Variants in TRABD2B observed in about 807,000 individuals in gnomAD.
The protein encoded by TRABD2B is TraB domain containing 2B, also known as metalloprotease TIKI2.
In TRABD2B, 14 loss-of-function variants were observed where a neutral mutation model predicts 40.1. That is an observed-to-expected ratio of 0.35 (90% CI 0.23 to 0.55). The LOEUF (loss-of-function observed/expected upper bound fraction) is 0.55. TRABD2B is among the 20% of genes least tolerant of loss of function. The probability of loss-of-function intolerance (pLI) is 0.90; values close to 1 mark genes in which losing one functional copy is unlikely to be tolerated. For synonymous variants in TRABD2B, 263 were observed against 277.0 expected (o/e 0.95, Z 0.50); for missense variants, 541 against 648.6 (o/e 0.83, Z 1.80).
chr1:47,899,272 C>T (rs1316616642), intron 2 of TRABD2B, among the ~76,000 whole-genome samples: 1 of 152,232 alleles, frequency 6.6e-6, no homozygotes, highest in Non-Finnish European at 1.5e-5. Context: ...CCTCAACAAC[C>T]TCCTACAGAC....
intron 2 of TRABD2B, among the ~76,000 whole-genome samples, chr1:47,969,050 C>T (rs909816348): frequency 3.3e-5 from 5 of 152,200 alleles, no homozygotes; most frequent in Admixed American, 2.0e-4. Context: ...AGCCCTGTGT[C>T]AAGTCCAATA....
chr1:47,805,757 T>C (rs1376587121), intron 2 of TRABD2B, among the ~76,000 whole-genome samples: 1 of 152,174 alleles, frequency 6.6e-6, no homozygotes, highest in African/African-American at 2.4e-5. Flanking sequence ...TCTAAACTCA[T>C]GTTCATTTAT....
intron 2 of TRABD2B, among the ~76,000 whole-genome samples, chr1:47,866,962 A>G (rs1357320565): frequency 6.6e-6 from 1 of 152,124 alleles, no homozygotes; most frequent in East Asian, 1.9e-4. Context: ...GTCACAGCCA[A>G]TCTGCCCCTT....
Position 47,794,302 on chromosome 1 carries a change from C to T in TRABD2B, c.988+284G>A, listed in dbSNP as rs184180857. On this transcript the variant is annotated intron_variant, in intron 4 of 6. Transcript: ENST00000606738. ...CTGGGCAGTGGGAGCTGGCTTTAGT[C>T]CTGGGCTCTCACATGGCTGCCTGGG... Among the ~76,000 whole-genome samples the T allele has an allele frequency of 9.7e-4, 148 of 152,266 alleles. 1 individual carries two copies. Among genetic ancestry groups the T allele is most frequent in the African/African-American group, 3.3e-3 (137 of 41,560 alleles).
intron 2 of TRABD2B, among the ~76,000 whole-genome samples, chr1:47,910,156 G>A (rs540575425): frequency 1.3e-5 from 2 of 152,166 alleles, no homozygotes; most frequent in Middle Eastern, 3.4e-3. Flanking sequence ...TACTGTGCCT[G>A]GCAGGGATCA....
At chr1:47,788,568 G>C (rs1013323694) in intron 4 of TRABD2B, among the ~76,000 whole-genome samples, 1 of 152,188 alleles carries the variant, frequency 6.6e-6, no homozygotes, top group Non-Finnish European at 1.5e-5. Flanking sequence ...TGCGAAGAGT[G>C]ATTTCCATTC....
chr1:47,882,943 G>A (rs776935508), intron 2 of TRABD2B, among the ~76,000 whole-genome samples: 26 of 152,066 alleles, frequency 1.7e-4, no homozygotes, highest in East Asian at 1.9e-4. Flanking sequence ...CACAACCCCC[G>A]GCAGGTCTCG....
At chr1:47,947,495 C>T (rs1645275813) in intron 2 of TRABD2B, among the ~76,000 whole-genome samples, 1 of 152,082 alleles carries the variant, frequency 6.6e-6, no homozygotes, top group Admixed American at 6.5e-5. Context: ...ACAACTGAGG[C>T]ATAAACAGAG....
chr1:47,863,904 A>G (rs995793750), intron 2 of TRABD2B, among the ~76,000 whole-genome samples: 1 of 152,222 alleles, frequency 6.6e-6, no homozygotes, highest in Admixed American at 6.5e-5. Flanking sequence ...CCAATGGACT[A>G]TTACACAGCA....
At chr1:47,843,628 T>C (rs948950482) in intron 2 of TRABD2B, among the ~76,000 whole-genome samples, 3 of 152,098 alleles carry the variant, frequency 2.0e-5, no homozygotes, top group Admixed American at 1.3e-4. Flanking sequence ...GAGAGGTTTA[T>C]GGGTAGAGAC....
intron 4 of TRABD2B, among the ~76,000 whole-genome samples, chr1:47,784,913 G>C (rs540444436): frequency 6.6e-6 from 1 of 152,224 alleles, no homozygotes; most frequent in Non-Finnish European, 1.5e-5. Context: ...GGTATGGAGA[G>C]GGGGAGATGG....
chr1:47,996,950 G>T lies in TRABD2B; in HGVS notation c.-161C>A. The stretch of plus-strand genomic sequence containing the variant: ...GTGGCTGACTGTCCCTGTCGGACCT[G>T]GGGGTTTCTCTGGGGCCGGGCTCCG... On this transcript the variant is annotated 5_prime_UTR_variant, in exon 1 of 7. Coordinates refer to ENST00000606738, the MANE Select transcript of TRABD2B (RefSeq NM_001194986.2). The surrounding 1 kb of genome is among the most constrained non-coding windows in gnomAD (Gnocchi z 4.6). 9.0e-7 allele frequency: 1 copy of T among 1,115,942 alleles called. No individual in the cohort carries two copies. The highest frequency in any genetic ancestry group is 1.1e-6 in the Non-Finnish European group (1 of 914,878). The allele number at this position is 1,115,942 out of a possible 1,614,324, so 69.1% of individuals were successfully genotyped here. A position where few individuals can be genotyped will look rare whatever the true frequency, so the allele number is the denominator to read the frequency against.
At chr1:47,926,341 T>C (rs545604574) in intron 2 of TRABD2B, among the ~76,000 whole-genome samples, 6 of 152,286 alleles carry the variant, frequency 3.9e-5, no homozygotes, top group Admixed American at 3.9e-4. Context: ...TAGTGCGTTC[T>C]ATTGCACTGT....
At chr1:47,783,277 AAAAC>A (rs920693121) in intron 4 of TRABD2B, among the ~76,000 whole-genome samples, 2 of 141,580 alleles carry the variant, frequency 1.4e-5, no homozygotes, top group Middle Eastern at 3.6e-3. Context: ...GACACCAAGA[AAAAC>A]AGAAAGAGAC....
intron 2 of TRABD2B, among the ~76,000 whole-genome samples, chr1:47,930,899 C>T (rs1217621825): frequency 6.6e-6 from 1 of 152,156 alleles, no homozygotes; most frequent in Non-Finnish European, 1.5e-5. Flanking sequence ...TGTTGATTCT[C>T]CCTTGGTGCT....
At chr1:47,916,726 T>TG (rs35758222) in intron 2 of TRABD2B, among the ~76,000 whole-genome samples, 1 of 152,166 alleles carries the variant, frequency 6.6e-6, no homozygotes, top group African/African-American at 2.4e-5. Context: ...AGGGTCAGAC[T>TG]GGGGGGGCTT....
At chr1:47,984,279 G>C (rs1241040633) in intron 2 of TRABD2B, among the ~76,000 whole-genome samples, 2 of 152,258 alleles carry the variant, frequency 1.3e-5, no homozygotes, top group African/African-American at 2.4e-5. Context: ...GTGCCTGTCC[G>C]CAGGGCTCCG....
intron 2 of TRABD2B, among the ~76,000 whole-genome samples, chr1:47,922,189 G>C (rs915503408): frequency 6.6e-6 from 1 of 152,172 alleles, no homozygotes; most frequent in South Asian, 2.1e-4. Context: ...GAGCTGGCCT[G>C]GGGGAGAGGG....
chr1:47,983,613 A>G (rs185916319), intron 2 of TRABD2B, among the ~76,000 whole-genome samples: 3 of 152,242 alleles, frequency 2.0e-5, no homozygotes, highest in Admixed American at 6.5e-5. Flanking sequence ...CTCGGCCCCA[A>G]TACAGGGTCT....
Sources: gnomAD v4.1 joint callset for allele counts (sites outside exome capture counted in the v4.1 genomes callset) on GRCh38, gnomAD v4.1.1 for gene constraint, Gnocchi (gnomAD v3.1) non-coding constraint, MANE v1.5 for transcripts, NCBI Gene and HGNC (gene_info 2026-07-23, HGNC 2026-07-21) for gene names.